The following SAXO2 variants were observed in gnomAD, a reference collection of about 807,000 sequenced individuals.
SAXO2 encodes the protein stabilizer of axonemal microtubules 2, also known as family with sequence similarity 154, member B.
A neutral mutation model predicts 18.7 loss-of-function variants in SAXO2; 17 were observed. The ratio of observed to expected loss-of-function variants is 0.91; its 90% confidence interval spans 0.62 to 1.36. The LOEUF (loss-of-function observed/expected upper bound fraction) is 1.36, where lower values mean the gene tolerates loss of function less well. Ranked by LOEUF, SAXO2 falls within the 40% of genes most tolerant of loss-of-function variation. The pLI is 0.00. For missense variants in SAXO2, 486 were observed against 562.6 expected, an observed-to-expected ratio of 0.86 and a Z score of 1.38; for synonymous variants, 163 against 181.2, an observed-to-expected ratio of 0.90 and a Z score of 0.81.
chr15:82,280,923 C>T (rs1016359835), intron 3 of SAXO2, among the ~76,000 whole-genome samples: 1 of 152,178 alleles, frequency 6.6e-6, no homozygotes. Flanking sequence ...ACGCTCTCAT[C>T]CAGACATCAG....
chr15:82,274,659 A>G (rs1274129483), intron 3 of SAXO2, among the ~76,000 whole-genome samples: 1 of 150,644 alleles, frequency 6.6e-6, no homozygotes, highest in Non-Finnish European at 1.5e-5. Flanking sequence ...CCAAGATTGC[A>G]CCACTGCACT....
At chr15:82,277,422 C>T (rs1159953095) in intron 3 of SAXO2, among the ~76,000 whole-genome samples, 2 of 151,884 alleles carry the variant, frequency 1.3e-5, no homozygotes, top group Non-Finnish European at 2.9e-5. Context: ...TTGAAAAATA[C>T]AATTTACCAA....
chr15:82,275,218 A>G (rs1010281655), intron 3 of SAXO2, among the ~76,000 whole-genome samples: 1 of 150,088 alleles, frequency 6.7e-6, no homozygotes, highest in Non-Finnish European at 1.5e-5. Context: ...AGGAAGAAAC[A>G]GAAATCCTGA....
At chr15:82,271,512 G>GA (rs149950722) in intron 2 of SAXO2, 91 bp from the exon 3 acceptor site, 264,674 of 1,097,912 alleles carry the variant, frequency 0.24, 33,363 homozygotes, top group South Asian at 0.38. Flanking sequence ...CAGTAAAAAA[G>GA]AAAAAAAAGC....
At chr15:82,263,067 C>T (rs1476740950) in intron 1 of SAXO2, 135 bp downstream of exon 1, 1 of 1,511,354 alleles carries the variant, frequency 6.6e-7, no homozygotes, top group African/African-American at 1.4e-5. Context: ...CAGCGACATC[C>T]CCACTTATCC....
rs79777326 is a variant in SAXO2 at position 82,271,865 on chromosome 15, C to G, written c.433+63C>G. 63,146 of 1,369,936 alleles carry G rather than the reference C, an allele frequency of 0.046. 2,074 individuals are homozygous for G. Among genetic ancestry groups the G allele is most frequent in the African/African-American group, 0.13 (9,192 of 68,410 alleles). 84.9% of individuals were successfully genotyped at this position (1,369,936 alleles called of 1,614,324 possible). A position where few individuals can be genotyped will look rare whatever the true frequency, so the allele number is the denominator to read the frequency against. On this transcript the variant is annotated intron_variant, in intron 3 of 3. Coordinates refer to ENST00000682753, the MANE Select transcript of SAXO2 (RefSeq NM_001348699.2). ...TAAAACTCACTTCCAGCTTTAACAT[C>G]TAATATCAAATTATAACTTTGGTGT...
intron 3 of SAXO2, among the ~76,000 whole-genome samples, chr15:82,272,418 C>G (rs1268551408): frequency 2.0e-5 from 3 of 152,210 alleles, no homozygotes; most frequent in African/African-American, 7.2e-5. Context: ...TCCTGCTCCT[C>G]TAAGAATTCT....
chr15:82,278,362 G>A (rs948141789), intron 3 of SAXO2, among the ~76,000 whole-genome samples: 2 of 152,110 alleles, frequency 1.3e-5, no homozygotes, highest in African/African-American at 4.8e-5. Flanking sequence ...CCACACACCC[G>A]CTTTCCATTT....
At chr15:82,280,982 A>G (rs1323302567) in intron 3 of SAXO2, among the ~76,000 whole-genome samples, 1 of 152,234 alleles carries the variant, frequency 6.6e-6, no homozygotes, top group Non-Finnish European at 1.5e-5. Context: ...AGAAATGGAT[A>G]CGCATTTTTT....
chr15:82,266,192 C>T (rs749729270), intron 2 of SAXO2, among the ~76,000 whole-genome samples: 1 of 152,006 alleles, frequency 6.6e-6, no homozygotes, highest in South Asian at 2.1e-4. Flanking sequence ...AGAAAGTTTA[C>T]GAATTTGCAT....
At chr15:82,265,527 A>G (rs1449672527) in intron 1 of SAXO2, 42 bp from the exon 2 acceptor site, 1 of 1,288,430 alleles carries the variant, frequency 7.8e-7, no homozygotes, top group East Asian at 3.0e-5. Context: ...TTATAACACA[A>G]AATTTTTTTA....
At position 82,284,167 on chromosome 15, in the gene SAXO2, TTTTTGTACTTG is replaced by T. The variant is rs1229918282; in HGVS notation, c.*1110_*1120del. The T allele has an allele frequency of 6.6e-6, 1 of 152,214 alleles. No homozygotes were observed. Among genetic ancestry groups the T allele is most frequent in the Non-Finnish European group, 1.5e-5 (1 of 68,032 alleles). 9.4% of individuals were successfully genotyped at this position (152,214 alleles called of 1,614,324 possible). A position where few individuals can be genotyped will look rare whatever the true frequency, so the allele number is the denominator to read the frequency against. On this transcript the variant is annotated 3_prime_UTR_variant, in exon 4 of 4. Coordinates refer to ENST00000682753, the MANE Select transcript of SAXO2 (RefSeq NM_001348699.2). ...TTTTTTTTTAAAATTGCTCAATCTC[TTTTTGTACTTG>T]TTTTCTCCTTTTCAAATTAGGATAA...
intron 3 of SAXO2, among the ~76,000 whole-genome samples, chr15:82,278,937 G>A (rs1444955675): frequency 6.6e-6 from 1 of 152,102 alleles, no homozygotes; most frequent in Non-Finnish European, 1.5e-5. Flanking sequence ...TAGCATTTAA[G>A]GTTCATATTA....
Position 82,282,963 on chromosome 15 carries a change from A to C in SAXO2, c.1278A>C (p.Pro426=), listed in dbSNP as rs750758767. 3 of 1,614,136 alleles carry C rather than the reference A, an allele frequency of 1.9e-6. No individual in the cohort carries two copies. The Admixed American group carries it at 5.0e-5, about 27-fold the overall frequency. The change falls in exon 4 of 4, where the codon CCA becomes CCC. Residue 426 remains proline, a synonymous_variant. Coordinates refer to ENST00000682753, the MANE Select transcript of SAXO2 (RefSeq NM_001348699.2). The part of the protein sequence containing the change: ...EYTPKRQEIC[P]ASYPSPPGYI... Reference sequence around the variant, plus strand: ...CACCGAAAAGACAGGAAATTTGCCCAGCCAGCTATCCCTCTCCTCCAGGTT... The same window carrying C: ...CACCGAAAAGACAGGAAATTTGCCCCGCCAGCTATCCCTCTCCTCCAGGTT...
intron 1 of SAXO2, chr15:82,263,558 C>T: frequency 1.6e-6 from 1 of 618,552 alleles, no homozygotes; most frequent in South Asian, 1.9e-5. Flanking sequence ...GGGATTAGAT[C>T]ATTATTTGCT....
intron 3 of SAXO2, among the ~76,000 whole-genome samples, chr15:82,277,410 T>C (rs183588888): frequency 5.5e-4 from 84 of 152,266 alleles, no homozygotes; most frequent in Admixed American, 5.3e-3. Context: ...TGGATAAATT[T>C]TTTGAAAAAT....
At chr15:82,281,468 C>T in intron 3 of SAXO2, among the ~76,000 whole-genome samples, 1 of 151,780 alleles carries the variant, frequency 6.6e-6, no homozygotes, top group Non-Finnish European at 1.5e-5. Flanking sequence ...CTCTAGATGG[C>T]CCTCTATCTT....
intron 1 of SAXO2, chr15:82,264,884 ACT>A (rs2075199928): frequency 1.6e-6 from 1 of 613,266 alleles, no homozygotes; most frequent in East Asian, 2.7e-5. Context: ...TTGTGCCTTG[ACT>A]CTCTCCTTAT....
intron 2 of SAXO2, among the ~76,000 whole-genome samples, chr15:82,265,967 G>A (rs1411933968): frequency 2.0e-5 from 3 of 151,318 alleles, no homozygotes; most frequent in African/African-American, 4.9e-5. Context: ...GATATAAAAA[G>A]TTCTATTTTT....
Sources: gnomAD v4.1 joint callset for allele counts (sites outside exome capture counted in the v4.1 genomes callset) on GRCh38, gnomAD v4.1.1 for gene constraint, MANE v1.5 for transcripts, NCBI Gene and HGNC (gene_info 2026-07-23, HGNC 2026-07-21) for gene names.